MADD: variants seen among roughly 807,000 people sequenced by gnomAD.
MADD encodes MAP kinase-activating death domain protein.
A neutral mutation model predicts 176.7 loss-of-function variants in MADD; 109 were observed. The observed-to-expected ratio is 0.62, with a 90% CI of 0.53 to 0.72. The LOEUF is 0.72. MADD is among the 30% of genes least tolerant of loss of function. The pLI, the probability that MADD is intolerant of heterozygous loss-of-function variation, is 0.00. For missense variants in MADD, 1,914 were observed against 2,045.5 expected, an observed-to-expected ratio of 0.94 and a Z score of 1.24; for synonymous variants, 771 against 771.3, an observed-to-expected ratio of 1.00 and a Z score of 0.01.
chr11:47,324,779 C>T lies in MADD; in HGVS notation c.4542+202C>T, dbSNP rs2095207388. 1.4e-5 allele frequency: 10 copies of T among 695,834 alleles called. No homozygotes were observed. The East Asian group carries it at 2.4e-4, about 17-fold the overall frequency. The allele number at this position is 695,834 out of a possible 1,614,324, so 43.1% of individuals were successfully genotyped here. On this transcript the variant is annotated intron_variant, in intron 30 of 32. Transcript: ENST00000402192. ...ACCACCTGGCGCTGTGAAGGTGCACCAGGGAGCCCGTGGGGGAGGCTGGGC... is the reference window on the plus strand; with the variant it reads ...ACCACCTGGCGCTGTGAAGGTGCACTAGGGAGCCCGTGGGGGAGGCTGGGC...
At chr11:47,314,532 A>T (rs1422665914) in intron 26 of MADD, among the ~76,000 whole-genome samples, 1 of 151,496 alleles carries the variant, frequency 6.6e-6, no homozygotes, top group African/African-American at 2.4e-5. Flanking sequence ...ACTTAAGCCC[A>T]GGAGTTCAGA....
At chr11:47,286,518 C>T (rs765549181) in exon 15 of MADD, 2 of 1,613,466 alleles carry the variant, frequency 1.2e-6, no homozygotes, top group South Asian at 2.2e-5. Flanking sequence ...AGGCCACGCC[C>T]TTCCCCAGTC....
chr11:47,303,286 G>A (rs2079534624), intron 22 of MADD, among the ~76,000 whole-genome samples: 1 of 138,194 alleles, frequency 7.2e-6, no homozygotes, highest in Non-Finnish European at 1.5e-5. Context: ...CTGTCACCCA[G>A]GCTGGAGTAC....
rs779692376 is a variant in MADD, at chr11:47,328,241, C to T, written c.4613-417C>T. On this transcript the variant is annotated intron_variant, in intron 31 of 32. Transcript: ENST00000402192. ...AGGCTGGTGACGAGTTCACGGGTGT[C>T]TCAGCAAAGTTGGACACAAGCTAGA... 2.5e-5 allele frequency: 27 copies of T among 1,095,498 alleles called. No individual in the cohort carries two copies. In the Admixed American group the frequency reaches 2.8e-4, roughly 12 times the overall value. The allele number at this position is 1,095,498 out of a possible 1,614,324, so 67.9% of individuals were successfully genotyped here.
intron 5 of MADD, among the ~76,000 whole-genome samples, chr11:47,277,736 C>T (rs974626036): frequency 6.6e-6 from 1 of 152,112 alleles, no homozygotes; most frequent in African/African-American, 2.4e-5. Flanking sequence ...GATCTGATAA[C>T]CGAGATGGCT....
intron 7 of MADD, among the ~76,000 whole-genome samples, chr11:47,281,108 C>T (rs911324132): frequency 2.6e-5 from 4 of 152,194 alleles, no homozygotes; most frequent in Non-Finnish European, 4.4e-5. Context: ...GTGGTCTTCA[C>T]GCTGCCCCAT....
At chr11:47,318,789 ATTTTTTTTTTTTTTTTTTTTTTTTTT>A (rs57548484) in intron 27 of MADD, among the ~76,000 whole-genome samples, 1 of 82,458 alleles carries the variant, frequency 1.2e-5, no homozygotes, top group Admixed American at 1.5e-4. Flanking sequence ...CAGTTTGGGA[ATTTTTTTTTTTTTTTTTTTTTTTTTT>A]TTTTTTTTTT....
intron 4 of MADD, 59 bp downstream of exon 4, chr11:47,276,261 C>CA: frequency 6.7e-7 from 1 of 1,494,208 alleles, no homozygotes; most frequent in Non-Finnish European, 9.0e-7. Context: ...TGCCAGTGGC[C>CA]AGACCACGAG....
intron 15 of MADD, chr11:47,289,023 T>TC: frequency 6.3e-7 from 1 of 1,593,316 alleles, no homozygotes; most frequent in South Asian, 1.2e-5. Context: ...CCGGGAGTGG[T>TC]GAAGGTGGGT....
chr11:47,276,167 C>G (rs775926310), exon 4 of MADD: 1 of 1,613,588 alleles, frequency 6.2e-7, no homozygotes, highest in Admixed American at 1.7e-5. Context: ...GGACGCCTGT[C>G]TCCAGGTGCT....
In MADD at chr11:47,325,050, G is replaced by T; in HGVS notation, c.4542+473G>T. On this transcript the variant is annotated intron_variant, in intron 30 of 32. Coordinates refer to ENST00000402192, the Ensembl canonical transcript of MADD. The surrounding 1 kb of genome is among the most constrained non-coding windows in gnomAD (Gnocchi z 4.5). ...GCTTGTGTGTAAGTAGCTTGTATCTGTCCTCTCTGGAGTGTGTTTATTTGC... is the reference window on the plus strand; with the variant it reads ...GCTTGTGTGTAAGTAGCTTGTATCTTTCCTCTCTGGAGTGTGTTTATTTGC... 2.3e-6 allele frequency: 1 copy of T among 429,730 alleles called. No homozygotes were observed. Among genetic ancestry groups the T allele is most frequent in the Non-Finnish European group, 4.2e-6 (1 of 235,524 alleles). The allele number at this position is 429,730 out of a possible 1,614,324, so 26.6% of individuals were successfully genotyped here.
intron 1 of MADD, among the ~76,000 whole-genome samples, chr11:47,271,728 CTT>C (rs201072907): frequency 1.3e-4 from 19 of 145,710 alleles, no homozygotes; most frequent in Non-Finnish European, 2.6e-4. Context: ...CTACATAATT[CTT>C]TTTTTTTTTT....
Position 47,289,286 on chromosome 11 carries a change from G to C in MADD, c.2654-105G>C, listed in dbSNP as rs1016715891. 5 of 976,888 alleles carry C rather than the reference G, an allele frequency of 5.1e-6. No homozygotes were observed. The African/African-American group carries it at 6.4e-5, about 13-fold the overall frequency. The allele number at this position is 976,888 out of a possible 1,614,324, so 60.5% of individuals were successfully genotyped here. On this transcript the variant is annotated intron_variant, in intron 15 of 32. Coordinates refer to ENST00000402192, the Ensembl canonical transcript of MADD. Reference sequence around the variant, plus strand: ...GATGCCTTGGTGCTACCCTCACCCAGCCCTTCTGAGGAACGGGCATGGAAC... The same window carrying C: ...GATGCCTTGGTGCTACCCTCACCCACCCCTTCTGAGGAACGGGCATGGAAC...
In MADD at chr11:47,308,785, G is replaced by A. The variant is rs192725060; in HGVS notation, c.3751+86G>A. On this transcript the variant is annotated intron_variant, in intron 23 of 32. Coordinates refer to ENST00000402192, the Ensembl canonical transcript of MADD. ...GGTCACACTGAACAAGTAGCTGGTT[G>A]TCTTTCTGCTGATCTTAATGCTAAC... 604 of 1,189,438 alleles carry A rather than the reference G, an allele frequency of 5.1e-4. 2 individuals are homozygous for A. Among genetic ancestry groups the A allele is most frequent in the Non-Finnish European group, 3.9e-4 (316 of 808,324 alleles). The allele number at this position is 1,189,438 out of a possible 1,614,324, so 73.7% of individuals were successfully genotyped here. A position where few individuals can be genotyped will look rare whatever the true frequency, so the allele number is the denominator to read the frequency against.
intron 23 of MADD, 102 bp downstream of exon 26, chr11:47,309,144 G>A (rs2085771671): frequency 1.3e-6 from 2 of 1,545,290 alleles, no homozygotes; most frequent in South Asian, 2.3e-5. Flanking sequence ...GTTAGATCTG[G>A]GGTAGAAAGA....
intron 8 of MADD, 46 bp downstream of exon 8, chr11:47,281,799 C>A (rs550048319): frequency 3.1e-5 from 42 of 1,371,950 alleles, no homozygotes; most frequent in Non-Finnish European, 3.9e-5. Flanking sequence ...AAATTAATTT[C>A]TTTGCTCTCT....
At chr11:47,310,394 C>G (rs1565500948) in intron 25 of MADD, among the ~76,000 whole-genome samples, 1 of 151,544 alleles carries the variant, frequency 6.6e-6, no homozygotes, top group Non-Finnish European at 1.5e-5. Flanking sequence ...GTTGGCCAGG[C>G]TGGTCTCTCG....
At chr11:47,315,284 T>C in exon 27 of MADD, 1 of 1,613,878 alleles carries the variant, frequency 6.2e-7, no homozygotes, top group Non-Finnish European at 8.5e-7. Flanking sequence ...ACATTTGTGG[T>C]ACATGCAGGG....
chr11:47,290,199 A>C, exon 18 of MADD: 1 of 1,614,198 alleles, frequency 6.2e-7, no homozygotes, highest in Non-Finnish European at 8.5e-7. Context: ...TCAAGTGTAC[A>C]GTCCTCAGCT....
Sources: gnomAD v4.1 joint callset for allele counts (sites outside exome capture counted in the v4.1 genomes callset) on GRCh38, gnomAD v4.1.1 for gene constraint, Gnocchi (gnomAD v3.1) non-coding constraint, MANE v1.5 for transcripts, NCBI Gene and HGNC (gene_info 2026-07-23, HGNC 2026-07-21) for gene names.